Variants in TERT observed in about 807,000 individuals in gnomAD.
The protein encoded by TERT is telomerase catalytic subunit.
TERT carries 42 observed loss-of-function variants against 104.0 expected under a neutral mutation model. The observed-to-expected ratio is 0.40, with a 90% CI of 0.32 to 0.52. TERT has a LOEUF of 0.52. Ranked by LOEUF, TERT falls within the 20% of genes least tolerant of loss-of-function variation. The pLI is 0.43. For synonymous variants in TERT, 781 were observed against 725.6 expected (o/e 1.08, Z -1.23); for missense variants, 1,101 against 1,610.3 (o/e 0.68, Z 5.41).
Position 1,271,139 on chromosome 5 carries a change from G to A in TERT, c.2448C>T (p.His816=), listed in dbSNP as rs368279364. Residue 816 remains histidine, a synonymous_variant, in exon 8 of 16, where the codon CAC becomes CAT. Coordinates refer to ENST00000310581, the MANE Select transcript of TERT (RefSeq NM_198253.3). ...CTCACTTGCCCCTGATGCGCACGGC[G>A]TGGTGGCACATGAAGCGTAGGAAGA... ...FDVFLRFMCH[H]AVRIRGKSYV... 1.4e-5 allele frequency: 23 copies of A among 1,613,082 alleles called. No homozygotes were observed. The highest frequency in any genetic ancestry group is 8.9e-5 in the East Asian group (4 of 44,882).
In TERT at chr5:1,257,476, G is replaced by C. The variant is rs1283170760; in HGVS notation, c.3032+1122C>G. Among the ~76,000 whole-genome samples the C allele has an allele frequency of 6.6e-6, 1 of 152,140 alleles. No homozygotes were observed. Among genetic ancestry groups the C allele is most frequent in the Non-Finnish European group, 1.5e-5 (1 of 68,024 alleles). On this transcript the variant is annotated intron_variant, in intron 13 of 15. Transcript: ENST00000310581. This position sits in a 1 kb window ranked among gnomAD's most constrained non-coding sequence, Gnocchi z 5.6. ...AAAGGAGTCAAGCAGCTTGCACGAG[G>C]GCCCAGGCACGCGTCAGGGAGATGC... is the stretch of plus-strand genomic sequence containing the variant.
At chr5:1,271,225 C>G in intron 7 of TERT, 21 bp from the exon 8 acceptor site, 1 of 1,591,534 alleles carries the variant, frequency 6.3e-7, no homozygotes, top group South Asian at 1.1e-5. Flanking sequence ...AGACGGGAGA[C>G]ACATGGGAGT....
At chr5:1,260,166 C>T (rs924318230) in intron 12 of TERT, among the ~76,000 whole-genome samples, 1 of 152,204 alleles carries the variant, frequency 6.6e-6, no homozygotes, top group Non-Finnish European at 1.5e-5. Context: ...ACATGCTACT[C>T]ACACTGCACA....
chr5:1,279,155 G>T, intron 5 of TERT, 136 bp downstream of exon 5: 1 of 1,019,724 alleles, frequency 9.8e-7, no homozygotes. Flanking sequence ...TGCCAGGTGT[G>T]TCCTCAACAG....
rs1461336363 is a variant in TERT, at chr5:1,256,433, C to A, written c.3033-1022G>T. On this transcript the variant is annotated intron_variant, in intron 13 of 15. Coordinates refer to ENST00000310581, the MANE Select transcript of TERT (RefSeq NM_198253.3). This position sits in a 1 kb window ranked among gnomAD's most constrained non-coding sequence, Gnocchi z 7.0. The stretch of plus-strand genomic sequence containing the variant: ...CTCATATGTGCGTGTGATCAGAGCC[C>A]CCGTGTACCTGGTCTGACCCTCTGC... Among the ~76,000 whole-genome samples the A allele has an allele frequency of 4.0e-5, 6 of 151,180 alleles. No homozygotes were observed. The highest frequency in any genetic ancestry group is 1.5e-5 in the Non-Finnish European group (1 of 67,854).
chr5:1,272,359 G>C (rs1189865188), intron 6 of TERT, 79 bp from the exon 7 acceptor site: 1 of 1,260,964 alleles, frequency 7.9e-7, no homozygotes, highest in Non-Finnish European at 1.1e-6. Context: ...TTCCGATCAG[G>C]ACGTGTGGAC....
rs1379205693 is a variant in TERT, at chr5:1,294,150, G to A, written c.736C>T (p.Pro246Ser). ...CCCTGCCCAACGGGCGTCCGCTCCG[G>A]CTCAGGGGCAGCGCCACGCCTGGGC... is the stretch of plus-strand genomic sequence containing the variant. Reference protein sequence around the residue: ...KRPRRGAAPEPERTPVGQGSW... With the variant: ...KRPRRGAAPESERTPVGQGSW... The change falls in exon 2 of 16, where the codon CCG (proline) becomes TCG (serine). Residue 246 changes from proline to serine, a missense_variant. Around this residue, in one of 5 missense-constraint regions of TERT, gnomAD observed 504 missense variants for 544.6 expected, o/e 0.93. Transcript: ENST00000310581. 1.3e-6 allele frequency: 2 copies of A among 1,581,550 alleles called. No individual in the cohort carries two copies. Among genetic ancestry groups the A allele is most frequent in the East Asian group, 2.3e-5 (1 of 42,894 alleles).
rs1176491326 is a variant in TERT, at chr5:1,286,051, G to A, written c.1574-3427C>T. The stretch of plus-strand genomic sequence containing the variant: ...GCGCGATTTCAAACTCGACACCGCG[G>A]AGCCACCAGACCCCGACATGCCTGG... On this transcript the variant is annotated intron_variant, in intron 2 of 15. Transcript: ENST00000310581. This position sits in a 1 kb window ranked among gnomAD's most constrained non-coding sequence, Gnocchi z 5.3. Among the ~76,000 whole-genome samples, 1 of 152,096 alleles carries A rather than the reference G, an allele frequency of 6.6e-6. No individual in the cohort carries two copies. Among genetic ancestry groups the A allele is most frequent in the Non-Finnish European group, 1.5e-5 (1 of 68,020 alleles).
chr5:1,271,550 C>T (rs915086125), intron 7 of TERT, among the ~76,000 whole-genome samples: 3 of 152,040 alleles, frequency 2.0e-5, no homozygotes, highest in Non-Finnish European at 4.4e-5. Context: ...GCCACCTCCA[C>T]CCCCACCCTG....
chr5:1,294,539 G>A lies in TERT; in HGVS notation c.347C>T (p.Thr116Ile), dbSNP rs1751259223. 6.3e-7 allele frequency: 1 copy of A among 1,578,964 alleles called. No individual in the cohort carries two copies. Among genetic ancestry groups the A allele is most frequent in the South Asian group, 1.1e-5 (1 of 88,478 alleles). The change falls in exon 2 of 16, where the codon ACC becomes ATC. Residue 116 changes from threonine to isoleucine, a missense_variant. By Grantham distance (89) the Thr-to-Ile change is moderately conservative. This residue lies in a region of TERT where 47 missense variants were observed against 105.3 expected (regional missense o/e 0.45). Coordinates refer to ENST00000310581, the MANE Select transcript of TERT (RefSeq NM_198253.3). ...GGGCAGGTAGCTGCGCACGCTGGTG[G>A]TGAAGGCCTCGGGGGGGCCCCCGCG... Reference protein sequence around the residue: ...GARGGPPEAFTTSVRSYLPNT... With the variant: ...GARGGPPEAFITSVRSYLPNT...
chr5:1,288,319 G>C lies in TERT; in HGVS notation c.1573+4994C>G, dbSNP rs1750615726. ...AAGGCATGACTAAACTAAGAAGCTA[G>C]AAAAGGAATGAAAGAATAAACCAAG... On this transcript the variant is annotated intron_variant, in intron 2 of 15. Transcript: ENST00000310581. The surrounding 1 kb of genome is among the most constrained non-coding windows in gnomAD (Gnocchi z 5.3). Among the ~76,000 whole-genome samples, 1 of 152,208 alleles carries C rather than the reference G, an allele frequency of 6.6e-6. No homozygotes were observed. Among genetic ancestry groups the C allele is most frequent in the African/African-American group, 2.4e-5 (1 of 41,456 alleles).
intron 2 of TERT, among the ~76,000 whole-genome samples, chr5:1,285,363 G>A (rs1036745190): frequency 6.6e-6 from 1 of 152,178 alleles, no homozygotes; most frequent in Non-Finnish European, 1.5e-5. Context: ...AAGCCCAGCA[G>A]GTCCAGGCCG....
Position 1,293,481 on chromosome 5 carries a change from G to C in TERT, c.1405C>G (p.Leu469Val). Residue 469 changes from leucine to valine, a missense_variant, in exon 2 of 16, where the codon CTG becomes GTG. Leu to Val is a conservative substitution (Grantham distance 32). This residue lies in a region of TERT where 504 missense variants were observed against 544.6 expected (regional missense o/e 0.93). Coordinates refer to ENST00000310581, the MANE Select transcript of TERT (RefSeq NM_198253.3). ...WQVYGFVRAC[L>V]RRLVPPGLWG... ...AGGCCTGGGGGCACCAGCCGGCGCA[G>C]GCAGGCCCGCACGAAGCCGTACACC... The C allele has an allele frequency of 1.2e-6, 2 of 1,601,882 alleles. No homozygotes were observed. Among genetic ancestry groups the C allele is most frequent in the Non-Finnish European group, 1.7e-6 (2 of 1,175,040 alleles).
At chr5:1,276,898 C>T (rs952020130) in intron 6 of TERT, among the ~76,000 whole-genome samples, 9 of 152,216 alleles carry the variant, frequency 5.9e-5, no homozygotes, top group African/African-American at 2.2e-4. Flanking sequence ...TCTTCCAGTC[C>T]TCAAAAGGCT....
At chr5:1,266,260 G>A (rs945635633) in intron 10 of TERT, among the ~76,000 whole-genome samples, 5 of 152,356 alleles carry the variant, frequency 3.3e-5, no homozygotes, top group Middle Eastern at 3.4e-3. Context: ...GGGCCTGCAC[G>A]GTACCCACTC....
At chr5:1,277,923 G>A (rs968069722) in intron 6 of TERT, among the ~76,000 whole-genome samples, 2 of 151,178 alleles carry the variant, frequency 1.3e-5, no homozygotes, top group African/African-American at 4.9e-5. Flanking sequence ...ACCACTGGGT[G>A]GGAACCCAAG....
At chr5:1,279,910 C>A (rs980822475) in intron 4 of TERT, among the ~76,000 whole-genome samples, 13 of 152,178 alleles carry the variant, frequency 8.5e-5, no homozygotes, top group Admixed American at 6.5e-5. Context: ...CAGGCCCTGG[C>A]CCGGCTGCTT....
In TERT at chr5:1,256,762, G is replaced by A. The variant is rs1158524042; in HGVS notation, c.3033-1351C>T. On this transcript the variant is annotated intron_variant, in intron 13 of 15. Coordinates refer to ENST00000310581, the MANE Select transcript of TERT (RefSeq NM_198253.3). This position sits in a 1 kb window ranked among gnomAD's most constrained non-coding sequence, Gnocchi z 7.0. ...TAAATAAGCCTAAGGTCCCGGGGTT[G>A]CCACACGGCCACGCTCCTGACCCAG... Among the ~76,000 whole-genome samples the A allele has an allele frequency of 3.9e-5, 6 of 152,328 alleles. No homozygotes were observed. The highest frequency in any genetic ancestry group is 3.4e-3 in the Middle Eastern group (1 of 294).
rs1340537766 is a variant in TERT, at chr5:1,256,614, A to G, written c.3033-1203T>C. Among the ~76,000 whole-genome samples the G allele has an allele frequency of 1.3e-5, 2 of 151,954 alleles. No individual in the cohort carries two copies. Among genetic ancestry groups the G allele is most frequent in the Non-Finnish European group, 2.9e-5 (2 of 67,996 alleles). On this transcript the variant is annotated intron_variant, in intron 13 of 15. Coordinates refer to ENST00000310581, the MANE Select transcript of TERT (RefSeq NM_198253.3). This position sits in a 1 kb window ranked among gnomAD's most constrained non-coding sequence, Gnocchi z 7.0. ...GACTTCCTGAGCCACTTCTGGAATG[A>G]CCTGAGATCACACCAGTCAAGCCAG...
Sources: allele counts gnomAD v4.1 joint callset (sites outside exome capture counted in the v4.1 genomes callset), GRCh38; gene constraint gnomAD v4.1.1; regional missense constraint gnomAD v4.1.1; non-coding constraint Gnocchi (gnomAD v3.1); transcripts MANE v1.5; gene names NCBI Gene and HGNC (gene_info 2026-07-23, HGNC 2026-07-21).